DACH1: variants seen among roughly 807,000 people sequenced by gnomAD.
DACH1 encodes dachshund homolog 1.
A neutral mutation model predicts 54.2 loss-of-function variants in DACH1; 12 were observed. The observed-to-expected ratio is 0.22, with a 90% CI of 0.14 to 0.36. The LOEUF (loss-of-function observed/expected upper bound fraction) is 0.36. Among genes scored for constraint, DACH1 ranks in the 10% least tolerant of loss-of-function variants. The probability of loss-of-function intolerance (pLI) is 1.00; values close to 1 mark genes in which losing one functional copy is unlikely to be tolerated. For missense variants in DACH1, 805 were observed against 929.8 expected, an observed-to-expected ratio of 0.87 and a Z score of 1.75; for synonymous variants, 386 against 366.2, an observed-to-expected ratio of 1.05 and a Z score of -0.62.
intron 1 of DACH1, among the ~76,000 whole-genome samples, chr13:71,804,384 C>G (rs1887409594): frequency 6.6e-6 from 1 of 152,084 alleles, no homozygotes; most frequent in South Asian, 2.1e-4. Flanking sequence ...AGACATTCCT[C>G]CCCATCATCT....
intron 1 of DACH1, among the ~76,000 whole-genome samples, chr13:71,751,614 G>A (rs1256780043): frequency 1.3e-5 from 2 of 152,102 alleles, no homozygotes; most frequent in Non-Finnish European, 2.9e-5. Context: ...GATGTAGTAT[G>A]AGTAAACTAT....
In DACH1 at chr13:71,505,243, C is replaced by T. The variant is rs192791773; in HGVS notation, c.1571-16095G>A. Among the ~76,000 whole-genome samples the T allele has an allele frequency of 6.0e-4, 91 of 152,090 alleles. 1 individual carries two copies. In the East Asian group the frequency reaches 0.013, roughly 22 times the overall value. ...AATTACAGGTGTGTGCCACCACGCC[C>T]GGCTACTTTTTTGTATTTTAGTAGA... On this transcript the variant is annotated intron_variant, in intron 6 of 10. Transcript: ENST00000613252.
chr13:71,623,377 A>C (rs927313951), intron 3 of DACH1, among the ~76,000 whole-genome samples: 3 of 151,740 alleles, frequency 2.0e-5, no homozygotes, highest in African/African-American at 7.2e-5. Context: ...TTTAATATTC[A>C]TAATTTTTCC....
intron 6 of DACH1, among the ~76,000 whole-genome samples, chr13:71,534,099 C>T (rs1882597728): frequency 6.6e-6 from 1 of 151,972 alleles, no homozygotes; most frequent in Admixed American, 6.6e-5. Flanking sequence ...ATCAGTAGAC[C>T]AGCATTTCTG....
intron 3 of DACH1, among the ~76,000 whole-genome samples, chr13:71,606,692 C>A (rs1874905317): frequency 1.3e-5 from 2 of 151,982 alleles, no homozygotes; most frequent in South Asian, 2.1e-4. Flanking sequence ...CTCTCTATTT[C>A]TTTTGGGAAG....
At chr13:71,595,192 A>C (rs1336363052) in intron 3 of DACH1, among the ~76,000 whole-genome samples, 1 of 152,072 alleles carries the variant, frequency 6.6e-6, no homozygotes, top group Non-Finnish European at 1.5e-5. Flanking sequence ...CATTCCTGGG[A>C]TATTAGAGCA....
intron 3 of DACH1, among the ~76,000 whole-genome samples, chr13:71,613,952 T>C (rs1477097649): frequency 1.3e-5 from 2 of 152,288 alleles, no homozygotes; most frequent in East Asian, 3.9e-4. Context: ...TTCCAAAAAG[T>C]ACCGGGATTA....
chr13:71,522,306 T>A (rs1274088736), intron 6 of DACH1, among the ~76,000 whole-genome samples: 1 of 152,006 alleles, frequency 6.6e-6, no homozygotes, highest in Non-Finnish European at 1.5e-5. Flanking sequence ...GAGATTCAGA[T>A]CTCAGAAGTA....
In DACH1 at chr13:71,526,045, G is replaced by T. The variant is rs758577566; in HGVS notation, c.1570+30979C>A. Among the ~76,000 whole-genome samples, 70 of 151,894 alleles carry T rather than the reference G, an allele frequency of 4.6e-4. 1 individual carries two copies. Among genetic ancestry groups the T allele is most frequent in the Admixed American group, 2.6e-4 (4 of 15,252 alleles). ...TGTCAATGCTTCTAAACATTTCAAG[G>T]GCAAAAATATTGCTTTATACAATCT... On this transcript the variant is annotated intron_variant, in intron 6 of 10. Transcript: ENST00000613252.
chr13:71,479,056 A>C, intron 8 of DACH1, 113 bp downstream of exon 8: 217 of 962,672 alleles, frequency 2.3e-4, no homozygotes, highest in Non-Finnish European at 3.0e-4. Context: ...TCTGAACTTT[A>C]GCTACCGTTA....
intron 1 of DACH1, among the ~76,000 whole-genome samples, chr13:71,726,002 G>A (rs1276492858): frequency 2.0e-5 from 3 of 152,104 alleles, no homozygotes; most frequent in African/African-American, 7.2e-5. Flanking sequence ...CCTGTTGAAA[G>A]TTACGGACCC....
rs146261995 is a variant in DACH1, at chr13:71,464,704, C to CT, written c.2083+10436dup. 606 of 453,694 alleles carry CT rather than the reference C, an allele frequency of 1.3e-3. 3 individuals carry two copies. The highest frequency in any genetic ancestry group is 0.01 in the African/African-American group (512 of 50,058). The allele number at this position is 453,694 out of a possible 1,614,324, so 28.1% of individuals were successfully genotyped here. On this transcript the variant is annotated intron_variant, in intron 10 of 10. Coordinates refer to ENST00000613252, the MANE Select transcript of DACH1 (RefSeq NM_080759.6). ...ATTCATTCATTTAATTTTAATTTCA[C>CT]TTTAACTGTTTTGATGTATAATCTT...
chr13:71,439,489 T>G lies in DACH1; in HGVS notation c.*1166A>C, dbSNP rs1873818686. 6.6e-6 allele frequency: 1 copy of G among 152,426 alleles called. No homozygotes were observed. Among genetic ancestry groups the G allele is most frequent in the Admixed American group, 6.6e-5 (1 of 15,234 alleles). The allele number at this position is 152,426 out of a possible 1,614,324, so 9.4% of individuals were successfully genotyped here. ...GACTGGTACATCAAGGTTTGTTAGG[T>G]TTTGTTTTCAGCAACATTAACATAA... is the stretch of plus-strand genomic sequence containing the variant. On this transcript the variant is annotated 3_prime_UTR_variant, in exon 11 of 11. Coordinates refer to ENST00000613252, the MANE Select transcript of DACH1 (RefSeq NM_080759.6).
chr13:71,552,830 T>TAGAG (rs1883941428), intron 6 of DACH1, among the ~76,000 whole-genome samples: 1 of 42,866 alleles, frequency 2.3e-5, no homozygotes, highest in Non-Finnish European at 4.3e-5. Context: ...TATATATATA[T>TAGAG]ATATATATAT....
At chr13:71,601,546 T>G (rs1434653898) in intron 3 of DACH1, among the ~76,000 whole-genome samples, 1 of 152,020 alleles carries the variant, frequency 6.6e-6, no homozygotes, top group African/African-American at 2.4e-5. Context: ...CATTTCTGTA[T>G]TCTTACTTAT....
chr13:71,479,024 G>A (rs890111810), intron 8 of DACH1, 145 bp downstream of exon 8: 167 of 668,008 alleles, frequency 2.5e-4, no homozygotes, highest in Admixed American at 1.2e-3. Context: ...GAAATACAAT[G>A]AGCCTAGGAT....
intron 4 of DACH1, among the ~76,000 whole-genome samples, chr13:71,566,867 T>G (rs1292213614): frequency 6.6e-6 from 1 of 152,142 alleles, no homozygotes; most frequent in African/African-American, 2.4e-5. Flanking sequence ...CTTGGAGATT[T>G]TTATGTTTGT....
chr13:71,597,862 G>A (rs1874212111), intron 3 of DACH1, among the ~76,000 whole-genome samples: 2 of 152,102 alleles, frequency 1.3e-5, no homozygotes, highest in African/African-American at 4.8e-5. Context: ...CATGCCTGTA[G>A]TCCCAGCACT....
chr13:71,757,395 TTTG>T (rs1234858628), intron 1 of DACH1, among the ~76,000 whole-genome samples: 2 of 152,160 alleles, frequency 1.3e-5, no homozygotes, highest in African/African-American at 2.4e-5. Context: ...CTGTAGAGTC[TTTG>T]TTGTCTAACC....
Sources: allele counts gnomAD v4.1 joint callset (sites outside exome capture counted in the v4.1 genomes callset), GRCh38; gene constraint gnomAD v4.1.1; transcripts MANE v1.5; gene names NCBI Gene and HGNC (gene_info 2026-07-23, HGNC 2026-07-21).